Variants in KLHL20 observed in about 807,000 individuals in gnomAD.
The protein encoded by KLHL20 is kelch-like protein 20.
KLHL20 carries 29 observed loss-of-function variants against 69.5 expected under a neutral mutation model. That is an observed-to-expected ratio of 0.42 (90% CI 0.31 to 0.57). The LOEUF is 0.57. KLHL20 is among the 20% of genes least tolerant of loss of function. KLHL20 has a pLI of 0.18. For synonymous variants in KLHL20, 253 were observed against 265.2 expected (o/e 0.95, Z 0.45); for missense variants, 419 against 776.0 (o/e 0.54, Z 5.47).
At chr1:173,752,813 A>G (rs1362650259) in intron 4 of KLHL20, among the ~76,000 whole-genome samples, 1 of 152,174 alleles carries the variant, frequency 6.6e-6, no homozygotes, top group Non-Finnish European at 1.5e-5. Context: ...TTGGAAGCAC[A>G]GTAGGGTACC....
At chr1:173,722,124 AT>A (rs889087297) in intron 2 of KLHL20, among the ~76,000 whole-genome samples, 5 of 151,960 alleles carry the variant, frequency 3.3e-5, no homozygotes, top group African/African-American at 1.2e-4. Context: ...TAATTTTTAA[AT>A]TTTTTCGTAG....
At chr1:173,747,695 T>G (rs1290426893) in intron 3 of KLHL20, among the ~76,000 whole-genome samples, 1 of 152,036 alleles carries the variant, frequency 6.6e-6, no homozygotes, top group Non-Finnish European at 1.5e-5. Flanking sequence ...TTATAAATAG[T>G]ACCTGATTCA....
intron 8 of KLHL20, among the ~76,000 whole-genome samples, chr1:173,768,891 C>G (rs1326898396): frequency 6.6e-6 from 1 of 152,174 alleles, no homozygotes; most frequent in Non-Finnish European, 1.5e-5. Flanking sequence ...ATATTAGTAT[C>G]TTCAGGAGAA....
chr1:173,784,051 C>T (rs112016751), intron 11 of KLHL20, among the ~76,000 whole-genome samples: 1,536 of 152,148 alleles, frequency 0.01, 24 homozygotes, highest in African/African-American at 0.034. Flanking sequence ...TGCACTCTAG[C>T]CTGAGTGGAA....
Position 173,771,724 on chromosome 1 carries a change from C to T in KLHL20, c.1296-2581C>T, listed in dbSNP as rs150495468. ...TCAAGATTATAATGAGCTATGATTG[C>T]ACCACTCTACCCCACCCTGGGTGAC... On this transcript the variant is annotated intron_variant, in intron 8 of 11. Coordinates refer to ENST00000209884, the MANE Select transcript of KLHL20 (RefSeq NM_014458.4). Among the ~76,000 whole-genome samples the T allele has an allele frequency of 1.7e-3, 253 of 152,224 alleles. 1 individual carries two copies. Among genetic ancestry groups the T allele is most frequent in the African/African-American group, 5.6e-3 (234 of 41,520 alleles).
At chr1:173,780,585 G>A (rs1648796579) in intron 10 of KLHL20, among the ~76,000 whole-genome samples, 2 of 152,218 alleles carry the variant, frequency 1.3e-5, no homozygotes, top group South Asian at 4.1e-4. Flanking sequence ...TGAGACCCGC[G>A]TGGGCAACAT....
At chr1:173,748,560 CT>C (rs1454513194) in intron 3 of KLHL20, among the ~76,000 whole-genome samples, 1 of 152,058 alleles carries the variant, frequency 6.6e-6, no homozygotes, top group African/African-American at 2.4e-5. Context: ...CTCTTCATTT[CT>C]TCCCACTGTT....
Position 173,734,303 on chromosome 1 carries a change from G to C in KLHL20, c.597+17G>C. 1 of 1,606,936 alleles carries C rather than the reference G, an allele frequency of 6.2e-7. No individual in the cohort carries two copies. The highest frequency in any genetic ancestry group is 8.5e-7 in the Non-Finnish European group (1 of 1,173,504). On this transcript the variant is annotated intron_variant, in intron 3 of 11. Coordinates refer to ENST00000209884, the MANE Select transcript of KLHL20 (RefSeq NM_014458.4). ...TTTCAAGAGGTGAGTTGCACTTGGT[G>C]TTCCAATGCACCCATTTGTTGGAGA...
intron 9 of KLHL20, among the ~76,000 whole-genome samples, chr1:173,774,897 A>C (rs983199882): frequency 6.6e-6 from 1 of 151,904 alleles, no homozygotes; most frequent in African/African-American, 2.4e-5. Flanking sequence ...TGCAACCTCT[A>C]CCTCCCGGAC....
intron 8 of KLHL20, among the ~76,000 whole-genome samples, chr1:173,772,877 T>C (rs1648184130): frequency 6.6e-6 from 1 of 152,102 alleles, no homozygotes; most frequent in Admixed American, 6.5e-5. Flanking sequence ...AAATCCATAT[T>C]ATGGGGAAAA....
intron 5 of KLHL20, among the ~76,000 whole-genome samples, chr1:173,754,351 C>T (rs1355765913): frequency 2.0e-5 from 3 of 152,018 alleles, no homozygotes; most frequent in African/African-American, 7.3e-5. Context: ...CTTTGGGAGG[C>T]CGAGGTGGGT....
At chr1:173,761,784 G>A (rs1000692536) in intron 7 of KLHL20, among the ~76,000 whole-genome samples, 1 of 152,082 alleles carries the variant, frequency 6.6e-6, no homozygotes, top group Non-Finnish European at 1.5e-5. Context: ...ACATCAAAAA[G>A]TCTGAAAGAG....
intron 3 of KLHL20, among the ~76,000 whole-genome samples, chr1:173,739,347 C>T (rs1219554985): frequency 1.3e-5 from 2 of 152,206 alleles, no homozygotes; most frequent in Non-Finnish European, 1.5e-5. Context: ...GCTGGGATTA[C>T]AGGCACGAGC....
At chr1:173,776,988 G>T (rs1050121742) in intron 10 of KLHL20, among the ~76,000 whole-genome samples, 3 of 152,092 alleles carry the variant, frequency 2.0e-5, no homozygotes, top group Admixed American at 6.5e-5. Context: ...GGATTGCATT[G>T]AATCTGTAGA....
At chr1:173,743,140 T>C in intron 3 of KLHL20, among the ~76,000 whole-genome samples, 1 of 142,546 alleles carries the variant, frequency 7.0e-6, no homozygotes, top group East Asian at 2.0e-4. Flanking sequence ...AAAAAGGTGG[T>C]CAAATGGAAA....
intron 2 of KLHL20, among the ~76,000 whole-genome samples, chr1:173,726,867 C>T (rs2102460631): frequency 6.6e-6 from 1 of 152,308 alleles, no homozygotes; most frequent in South Asian, 2.1e-4. Flanking sequence ...GAACACAGCT[C>T]CTCACCAGCA....
chr1:173,743,691 G>C (rs910006490), intron 3 of KLHL20, among the ~76,000 whole-genome samples: 1 of 152,018 alleles, frequency 6.6e-6, no homozygotes, highest in African/African-American at 2.4e-5. Context: ...ATGCATGGTA[G>C]GTTCTGGTTT....
chr1:173,745,363 A>G (rs1299562603), intron 3 of KLHL20, among the ~76,000 whole-genome samples: 1 of 151,624 alleles, frequency 6.6e-6, no homozygotes. Context: ...AGGTTTCACC[A>G]TGTTGGCCAG....
intron 10 of KLHL20, among the ~76,000 whole-genome samples, chr1:173,778,309 A>G (rs1648619134): frequency 7.0e-6 from 1 of 143,190 alleles, no homozygotes; most frequent in African/African-American, 2.6e-5. Flanking sequence ...GAGATTTTTT[A>G]TTACAGCTTT....
Sources: allele counts gnomAD v4.1 joint callset (sites outside exome capture counted in the v4.1 genomes callset), GRCh38; gene constraint gnomAD v4.1.1; transcripts MANE v1.5; gene names NCBI Gene and HGNC (gene_info 2026-07-23, HGNC 2026-07-21).